Variants in DRGX observed in about 807,000 individuals in gnomAD.
DRGX encodes the protein dorsal root ganglia homeobox protein.
In DRGX, 21 loss-of-function variants were observed where a neutral mutation model predicts 28.6. The ratio of observed to expected loss-of-function variants is 0.73; its 90% CI spans 0.52 to 1.06. The LOEUF (loss-of-function observed/expected upper bound fraction) is 1.06. Among genes scored for constraint, DRGX ranks in the 50% least tolerant of loss-of-function variants. DRGX has a pLI of 0.00. For synonymous variants in DRGX, 136 were observed against 139.1 expected (o/e 0.98, Z 0.16); for missense variants, 354 against 343.9 (o/e 1.03, Z -0.23).
intron 2 of DRGX, among the ~76,000 whole-genome samples, chr10:49,392,949 A>T (rs1057505143): frequency 1.3e-5 from 2 of 152,248 alleles, no homozygotes; most frequent in African/African-American, 4.8e-5. Context: ...GTATCATAAG[A>T]TGTGCAGGCT....
At chr10:49,372,310 A>G (rs1246911225) in intron 6 of DRGX, among the ~76,000 whole-genome samples, 1 of 152,238 alleles carries the variant, frequency 6.6e-6, no homozygotes, top group African/African-American at 2.4e-5. Context: ...AACGAGTGAC[A>G]ATAGGACATC....
chr10:49,388,466 TTC>T (rs1849864635), intron 4 of DRGX, among the ~76,000 whole-genome samples: 1 of 152,230 alleles, frequency 6.6e-6, no homozygotes, highest in Non-Finnish European at 1.5e-5. Flanking sequence ...CTGGGTTTCT[TTC>T]TTTCTTTTCT....
At chr10:49,389,255 T>A (rs1849872880) in intron 4 of DRGX, among the ~76,000 whole-genome samples, 1 of 152,178 alleles carries the variant, frequency 6.6e-6, no homozygotes, top group Non-Finnish European at 1.5e-5. Flanking sequence ...CAGAATTCCA[T>A]TATCTCTCTT....
At chr10:49,390,816 GTTT>G (rs71471342) in intron 3 of DRGX, among the ~76,000 whole-genome samples, 1 of 152,024 alleles carries the variant, frequency 6.6e-6, no homozygotes, top group African/African-American at 2.4e-5. Flanking sequence ...CAGGGATCCG[GTTT>G]TTCATCTCTG....
chr10:49,381,895 G>C (rs1056711032), intron 6 of DRGX, among the ~76,000 whole-genome samples: 1 of 152,204 alleles, frequency 6.6e-6, no homozygotes, highest in African/African-American at 2.4e-5. Context: ...TGGGGAAGGA[G>C]ACTAGCACTG....
intron 6 of DRGX, among the ~76,000 whole-genome samples, chr10:49,367,781 G>C (rs949288203): frequency 2.6e-5 from 4 of 152,242 alleles, no homozygotes; most frequent in African/African-American, 9.6e-5. Context: ...TCCTGGACAT[G>C]TCCTCAGGCT....
chr10:49,377,116 A>G (rs1309406210), intron 6 of DRGX, among the ~76,000 whole-genome samples: 1 of 152,234 alleles, frequency 6.6e-6, no homozygotes, highest in Non-Finnish European at 1.5e-5. Context: ...GGTGGCCAGC[A>G]GTGCAAAGCC....
chr10:49,364,589 G>A lies in DRGX; in HGVS notation c.*1527C>T, dbSNP rs151209047. The A allele has an allele frequency of 7.9e-5, 12 of 152,268 alleles. No homozygotes were observed. The East Asian group carries it at 9.6e-4, about 12-fold the overall frequency. 9.4% of individuals were successfully genotyped at this position (152,268 alleles called of 1,614,324 possible). On this transcript the variant is annotated 3_prime_UTR_variant, in exon 7 of 7. Transcript: ENST00000374139. The stretch of plus-strand genomic sequence containing the variant: ...CAAACATTCGTAATTACAGGGAAAC[G>A]GAAGCAACTTTGCCGCTTTTTGGCA...
intron 4 of DRGX, 103 bp from the exon 5 acceptor site, chr10:49,386,961 C>CGAGA: frequency 7.5e-7 from 1 of 1,325,938 alleles, no homozygotes; most frequent in Non-Finnish European, 1.0e-6. Context: ...CTGCAGCCTC[C>CGAGA]TCTCCACACC....
In DRGX at chr10:49,386,522, G is replaced by C. The variant is rs201624460; in HGVS notation, c.482C>G (p.Thr161Arg). The change falls in exon 6 of 7, where the codon ACG becomes AGG. Residue 161 changes from threonine to arginine, a missense_variant. By Grantham distance (71) the Thr-to-Arg change is moderately conservative. Transcript: ENST00000374139. ...PSCLPGTLLN[T>R]ATYAQALSHV... ...GGACAAGGCCTGGGCGTAGGTGGCC[G>C]TGTTCAGGAGAGTCCCCGGCAAGCA... The C allele has an allele frequency of 1.9e-6, 3 of 1,588,806 alleles. No homozygotes were observed. Among genetic ancestry groups the C allele is most frequent in the African/African-American group, 1.3e-5 (1 of 74,400 alleles).
intron 6 of DRGX, among the ~76,000 whole-genome samples, chr10:49,369,301 C>A (rs1381217950): frequency 2.0e-5 from 3 of 152,106 alleles, no homozygotes; most frequent in African/African-American, 4.8e-5. Flanking sequence ...CCTGGCTCAC[C>A]CCCTACACAC....
At chr10:49,366,452 C>T (rs192890807) in intron 6 of DRGX, 71 bp from the exon 7 acceptor site, 23 of 1,518,350 alleles carry the variant, frequency 1.5e-5, no homozygotes, top group African/African-American at 4.2e-5. Flanking sequence ...TGACAGGAAA[C>T]GATCTGAGTT....
intron 3 of DRGX, 108 bp from the exon 4 acceptor site, chr10:49,390,342 T>A: frequency 1.1e-6 from 1 of 923,998 alleles, no homozygotes; most frequent in Non-Finnish European, 1.6e-6. Context: ...TTTCACAGAT[T>A]AAATCGAGGA....
At chr10:49,369,038 C>G (rs913239124) in intron 6 of DRGX, among the ~76,000 whole-genome samples, 1 of 152,142 alleles carries the variant, frequency 6.6e-6, no homozygotes, top group Non-Finnish European at 1.5e-5. Context: ...AGAGCTTGCT[C>G]CAATGTAAGC....
At chr10:49,391,652 CT>C (rs977147530) in intron 2 of DRGX, among the ~76,000 whole-genome samples, 2 of 152,124 alleles carry the variant, frequency 1.3e-5, no homozygotes, top group Non-Finnish European at 2.9e-5. Context: ...TAATAGAAGC[CT>C]GTGTGTCTCC....
Position 49,384,328 on chromosome 10 carries a change from G to A in DRGX, c.526+2150C>T, listed in dbSNP as rs758811326. ...GGTATGTCGCCGACCTCAAGGGCCCGCCATGCCCCTGACTAGTCAGGAAGG... is the reference window on the plus strand; with the variant it reads ...GGTATGTCGCCGACCTCAAGGGCCCACCATGCCCCTGACTAGTCAGGAAGG... On this transcript the variant is annotated intron_variant, in intron 6 of 6. Transcript: ENST00000374139. 6.6e-5 allele frequency among the ~76,000 whole-genome samples: 10 copies of A among 152,272 alleles called. No individual in the cohort carries two copies. The East Asian group carries it at 1.4e-3, about 21-fold the overall frequency.
intron 2 of DRGX, among the ~76,000 whole-genome samples, chr10:49,394,096 TGCAC>T (rs1298372028): frequency 1.3e-5 from 2 of 152,174 alleles, no homozygotes; most frequent in African/African-American, 2.4e-5. Context: ...TGTCAGGGGA[TGCAC>T]GTCTCCCACC....
At chr10:49,379,599 C>CT (rs994897434) in intron 6 of DRGX, among the ~76,000 whole-genome samples, 4 of 152,208 alleles carry the variant, frequency 2.6e-5, no homozygotes, top group African/African-American at 9.7e-5. Context: ...ACACTTCAGC[C>CT]TGGCCTGGAA....
chr10:49,387,005 G>A (rs1849847712), intron 4 of DRGX, 147 bp from the exon 5 acceptor site: 1 of 911,608 alleles, frequency 1.1e-6, no homozygotes, highest in South Asian at 2.7e-5. Flanking sequence ...GGCCCACAGA[G>A]GGGTCAGAAG....
Sources: allele counts gnomAD v4.1 joint callset (sites outside exome capture counted in the v4.1 genomes callset), GRCh38; gene constraint gnomAD v4.1.1; transcripts MANE v1.5; gene names NCBI Gene and HGNC (gene_info 2026-07-23, HGNC 2026-07-21).